PDLIM3: variants seen among roughly 807,000 people sequenced by gnomAD.
PDLIM3 encodes the protein PDZ and LIM domain 3.
PDLIM3 carries 36 observed loss-of-function variants against 37.3 expected under a neutral mutation model. The ratio of observed to expected loss-of-function variants is 0.97; its 90% CI spans 0.74 to 1.28. The LOEUF is 1.28. Among genes scored for constraint, PDLIM3 ranks in the 50% most tolerant of loss-of-function variants. The pLI, the probability that PDLIM3 is intolerant of heterozygous loss-of-function variation, is 0.00. For synonymous variants in PDLIM3, 174 were observed against 182.4 expected, an observed-to-expected ratio of 0.95 and a Z score of 0.37; for missense variants, 454 against 485.0, an observed-to-expected ratio of 0.94 and a Z score of 0.60.
At chr4:185,523,948 T>C (rs556794191) in intron 2 of PDLIM3, among the ~76,000 whole-genome samples, 5 of 150,828 alleles carry the variant, frequency 3.3e-5, no homozygotes, top group Non-Finnish European at 5.9e-5. Context: ...TCCTTTTGGG[T>C]ATGGCAGACT....
chr4:185,513,923 C>T, intron 4 of PDLIM3: 1 of 1,202,194 alleles, frequency 8.3e-7, no homozygotes, highest in East Asian at 5.3e-5. Context: ...CATGCTCGCT[C>T]CTGCTGGCAG....
chr4:185,509,136 G>A (rs1432100970), intron 4 of PDLIM3, among the ~76,000 whole-genome samples: 1 of 152,114 alleles, frequency 6.6e-6, no homozygotes, highest in Non-Finnish European at 1.5e-5. Flanking sequence ...TAACTTGTAG[G>A]TTTTATGGTA....
At chr4:185,525,889 G>A (rs879721181) in intron 1 of PDLIM3, among the ~76,000 whole-genome samples, 4 of 152,144 alleles carry the variant, frequency 2.6e-5, no homozygotes, top group South Asian at 2.1e-4. Context: ...TTGGATTTCC[G>A]GTCTCCAGAA....
At chr4:185,525,810 T>C (rs2095733057) in intron 1 of PDLIM3, among the ~76,000 whole-genome samples, 1 of 152,062 alleles carries the variant, frequency 6.6e-6, no homozygotes, top group Non-Finnish European at 1.5e-5. Flanking sequence ...GAGGAAACAA[T>C]AACAAGTGAG....
intron 3 of PDLIM3, chr4:185,515,037 C>A: frequency 1.6e-6 from 1 of 606,480 alleles, no homozygotes; most frequent in Non-Finnish European, 2.7e-6. Flanking sequence ...TAGCCATAAA[C>A]TTTTCCATGG....
rs563796444 is a variant in PDLIM3 at position 185,535,490 on chromosome 4, C to G, written c.-56G>C. On this transcript the variant is annotated 5_prime_UTR_variant, in exon 1 of 8. Coordinates refer to ENST00000284767, the MANE Select transcript of PDLIM3 (RefSeq NM_014476.6). ...GTGTCCCCGCGCAGGGCAGCCACTCCGCGCCGGGCGGCGTCCTGGCCCCGA... is the reference window on the plus strand; with the variant it reads ...GTGTCCCCGCGCAGGGCAGCCACTCGGCGCCGGGCGGCGTCCTGGCCCCGA... 2.7e-6 allele frequency: 4 copies of G among 1,460,652 alleles called. No homozygotes were observed. The South Asian group carries it at 5.0e-5, about 18-fold the overall frequency. 90.5% of individuals were successfully genotyped at this position (1,460,652 alleles called of 1,614,324 possible).
chr4:185,510,788 T>C (rs2095705253), intron 4 of PDLIM3, among the ~76,000 whole-genome samples: 1 of 152,228 alleles, frequency 6.6e-6, no homozygotes, highest in Admixed American at 6.5e-5. Flanking sequence ...ATCAGGCCCA[T>C]GTCTATTAAA....
intron 1 of PDLIM3, 21 bp downstream of exon 1, chr4:185,535,321 A>G (rs1384918979): frequency 8.8e-6 from 14 of 1,593,970 alleles, no homozygotes; most frequent in Admixed American, 1.7e-5. Context: ...TCGCAGCAAA[A>G]GCAAGAATGC....
At chr4:185,534,242 A>C (rs1204894081) in intron 1 of PDLIM3, among the ~76,000 whole-genome samples, 2 of 152,214 alleles carry the variant, frequency 1.3e-5, no homozygotes, top group African/African-American at 2.4e-5. Context: ...ATATAAATAA[A>C]ACAGAATTTA....
chr4:185,512,970 G>C (rs1283863179), intron 4 of PDLIM3: 5 of 985,288 alleles, frequency 5.1e-6, no homozygotes, highest in Non-Finnish European at 6.0e-6. Flanking sequence ...AGACGGCTCT[G>C]GACTCTTCTT....
At position 185,504,990 on chromosome 4, in the gene PDLIM3, T is replaced by TACCCATGAAACAGTAACTCCCC. The variant is rs565124765; in HGVS notation, c.794-426_794-405dup. ...ATTTCTTCACCTCACAGAACCTCTGTACCCATGAAACAGTAACTCCCCACC... is the reference window on the plus strand; with the variant it reads ...ATTTCTTCACCTCACAGAACCTCTGTACCCATGAAACAGTAACTCCCCACCCATGAAACAGTAACTCCCCACC... On this transcript the variant is annotated intron_variant, in intron 6 of 7. Coordinates refer to ENST00000284767, the MANE Select transcript of PDLIM3 (RefSeq NM_014476.6). The surrounding 1 kb of genome is among the most constrained non-coding windows in gnomAD (Gnocchi z 4.7). Among the ~76,000 whole-genome samples the TACCCATGAAACAGTAACTCCCC allele has an allele frequency of 1.7e-4, 26 of 152,230 alleles. No individual in the cohort carries two copies. In the East Asian group the frequency reaches 3.9e-3, roughly 23 times the overall value.
Position 185,514,014 on chromosome 4 carries a change from G to C in PDLIM3, c.398+256C>G. ...TCTGGATGGGATCCCCAGAGCCTCA[G>C]GGGTGTTCGCTATAAATACACGTGG... is the stretch of plus-strand genomic sequence containing the variant. On this transcript the variant is annotated intron_variant, in intron 4 of 7. Coordinates refer to ENST00000284767, the MANE Select transcript of PDLIM3 (RefSeq NM_014476.6). The surrounding 1 kb of genome is among the most constrained non-coding windows in gnomAD (Gnocchi z 4.0). 7.4e-7 allele frequency: 1 copy of C among 1,351,768 alleles called. No individual in the cohort carries two copies. Among genetic ancestry groups the C allele is most frequent in the Non-Finnish European group, 9.6e-7 (1 of 1,047,022 alleles). 83.7% of individuals were successfully genotyped at this position (1,351,768 alleles called of 1,614,324 possible). A position where few individuals can be genotyped will look rare whatever the true frequency, so the allele number is the denominator to read the frequency against.
At chr4:185,503,883 G>A (rs915545324) in intron 7 of PDLIM3, among the ~76,000 whole-genome samples, 7 of 152,202 alleles carry the variant, frequency 4.6e-5, no homozygotes, top group African/African-American at 1.7e-4. Context: ...GGGAGGTGGA[G>A]CTTGCAGTGA....
intron 2 of PDLIM3, among the ~76,000 whole-genome samples, chr4:185,523,744 G>C (rs527664805): frequency 6.6e-6 from 1 of 150,724 alleles, no homozygotes; most frequent in African/African-American, 2.4e-5. Context: ...TCAGCTTCCC[G>C]AGTAGCTGGG....
At chr4:185,532,616 A>G (rs1034820555) in intron 1 of PDLIM3, among the ~76,000 whole-genome samples, 6 of 152,296 alleles carry the variant, frequency 3.9e-5, no homozygotes, top group African/African-American at 1.2e-4. Flanking sequence ...GAGGAAAGGG[A>G]GAGACAACAA....
chr4:185,534,930 G>A (rs2095750845), intron 1 of PDLIM3, among the ~76,000 whole-genome samples: 1 of 152,248 alleles, frequency 6.6e-6, no homozygotes, highest in Admixed American at 6.5e-5. Context: ...GGGGGTGCCA[G>A]TCCCTCGCCT....
intron 2 of PDLIM3, 110 bp from the exon 3 acceptor site, chr4:185,523,556 T>A: frequency 4.9e-6 from 3 of 617,144 alleles, no homozygotes; most frequent in Non-Finnish European, 8.1e-6. Context: ...CTCACTAACT[T>A]ATGCAAAAAC....
At chr4:185,511,702 CAGTGT>C (rs2095706837) in intron 4 of PDLIM3, among the ~76,000 whole-genome samples, 1 of 152,168 alleles carries the variant, frequency 6.6e-6, no homozygotes, top group Non-Finnish European at 1.5e-5. Flanking sequence ...AGTTCATTAA[CAGTGT>C]AGTTACAGGG....
intron 7 of PDLIM3, among the ~76,000 whole-genome samples, chr4:185,502,762 T>A (rs1374247049): frequency 6.6e-6 from 1 of 152,160 alleles, no homozygotes; most frequent in African/African-American, 2.4e-5. Context: ...AGGATCCTAC[T>A]TCATGATCTT....
Sources: gnomAD v4.1 joint callset for allele counts (sites outside exome capture counted in the v4.1 genomes callset) on GRCh38, gnomAD v4.1.1 for gene constraint, Gnocchi (gnomAD v3.1) non-coding constraint, MANE v1.5 for transcripts, NCBI Gene and HGNC (gene_info 2026-07-23, HGNC 2026-07-21) for gene names.